The following CSMD1 variants were observed in gnomAD, a reference collection of about 807,000 sequenced individuals.
CSMD1 encodes the protein CUB and Sushi multiple domains 1.
CSMD1 carries 213 observed loss-of-function variants against 417.5 expected under a neutral mutation model. That is an observed-to-expected ratio of 0.51 (90% CI 0.46 to 0.57). The LOEUF (loss-of-function observed/expected upper bound fraction) is 0.57, where lower values mean the gene tolerates loss of function less well. CSMD1 is among the 20% of genes least tolerant of loss of function. The probability of loss-of-function intolerance (pLI) is 0.00; values close to 1 mark genes in which losing one functional copy is unlikely to be tolerated. For synonymous variants in CSMD1, 2,862 were observed against 1,736.8 expected, an observed-to-expected ratio of 1.65 and a Z score of -16.11; for missense variants, 6,923 against 4,529.7, an observed-to-expected ratio of 1.53 and a Z score of -15.17.
At chr8:4,331,050 T>G (rs2128890543) in intron 3 of CSMD1, among the ~76,000 whole-genome samples, 1 of 152,334 alleles carries the variant, frequency 6.6e-6, no homozygotes, top group Admixed American at 6.5e-5. Flanking sequence ...ATTCAATAAC[T>G]ATTTCTTCAT....
At chr8:4,045,941 T>C (rs969156587) in intron 3 of CSMD1, among the ~76,000 whole-genome samples, 3 of 152,122 alleles carry the variant, frequency 2.0e-5, no homozygotes, top group Non-Finnish European at 2.9e-5. Context: ...AAAATACATC[T>C]AAGTCATTCA....
intron 7 of CSMD1, among the ~76,000 whole-genome samples, chr8:3,650,339 G>A (rs1200595541): frequency 6.6e-6 from 1 of 152,006 alleles, no homozygotes; most frequent in Admixed American, 6.6e-5. Flanking sequence ...AGTTGAGTTA[G>A]GAAGATGAGT....
intron 1 of CSMD1, among the ~76,000 whole-genome samples, chr8:4,644,517 C>T (rs1230063871): frequency 6.6e-6 from 1 of 152,116 alleles, no homozygotes; most frequent in African/African-American, 2.4e-5. Context: ...AGTGATCCTC[C>T]CGCCTCAACC....
At chr8:4,875,186 C>T (rs1180467231) in intron 1 of CSMD1, among the ~76,000 whole-genome samples, 1 of 151,948 alleles carries the variant, frequency 6.6e-6, no homozygotes, top group African/African-American at 2.4e-5. Context: ...GTGTCTCTTT[C>T]TCTGTACAGT....
chr8:4,979,048 C>G (rs999821513), intron 1 of CSMD1, among the ~76,000 whole-genome samples: 3 of 152,154 alleles, frequency 2.0e-5, no homozygotes, highest in African/African-American at 7.2e-5. Flanking sequence ...TCTCATCGTT[C>G]TTTTCATAGT....
chr8:4,730,380 T>G (rs541623209), intron 1 of CSMD1, among the ~76,000 whole-genome samples: 1 of 152,122 alleles, frequency 6.6e-6, no homozygotes, highest in Non-Finnish European at 1.5e-5. Flanking sequence ...TCAAACTAAA[T>G]TTGTAAATAT....
intron 1 of CSMD1, among the ~76,000 whole-genome samples, chr8:4,927,144 T>G (rs192426303): frequency 2.7e-3 from 401 of 151,078 alleles, no homozygotes; most frequent in African/African-American, 8.9e-3. Flanking sequence ...CTCACTCTGT[T>G]GCACCAGGCT....
intron 50 of CSMD1, among the ~76,000 whole-genome samples, chr8:3,048,140 C>T (rs1200983733): frequency 6.6e-6 from 1 of 152,078 alleles, no homozygotes; most frequent in Non-Finnish European, 1.5e-5. Context: ...TTCTATTTAG[C>T]TTTAAATGTA....
At chr8:4,551,740 A>T (rs1797879198) in intron 2 of CSMD1, among the ~76,000 whole-genome samples, 1 of 152,130 alleles carries the variant, frequency 6.6e-6, no homozygotes, top group South Asian at 2.1e-4. Flanking sequence ...GCTGGAGTCC[A>T]GTGGTACAAT....
At chr8:4,147,370 G>C (rs888699615) in intron 3 of CSMD1, among the ~76,000 whole-genome samples, 1 of 151,946 alleles carries the variant, frequency 6.6e-6, no homozygotes, top group Non-Finnish European at 1.5e-5. Flanking sequence ...GTCCTCAGTG[G>C]CTGTGCTCTC....
At chr8:2,946,805 G>T (rs566296172) in intron 68 of CSMD1, among the ~76,000 whole-genome samples, 1 of 152,192 alleles carries the variant, frequency 6.6e-6, no homozygotes, top group Non-Finnish European at 1.5e-5. Flanking sequence ...AACTACCAGA[G>T]TGTTTTCCAG....
At chr8:4,844,891 A>G (rs763105027) in intron 1 of CSMD1, among the ~76,000 whole-genome samples, 6 of 152,174 alleles carry the variant, frequency 3.9e-5, no homozygotes, top group Non-Finnish European at 8.8e-5. Flanking sequence ...GTACCCCCAC[A>G]GTATACAAGA....
At chr8:4,397,032 A>G (rs1484833344) in intron 3 of CSMD1, among the ~76,000 whole-genome samples, 1 of 145,976 alleles carries the variant, frequency 6.9e-6, no homozygotes, top group African/African-American at 2.5e-5. Context: ...AATGAAATTA[A>G]AAAAAAAATA....
intron 12 of CSMD1, among the ~76,000 whole-genome samples, chr8:3,457,765 G>C (rs1042582053): frequency 6.6e-6 from 1 of 152,162 alleles, no homozygotes; most frequent in Non-Finnish European, 1.5e-5. Context: ...AAAATTGAAA[G>C]CAACAAATTC....
At chr8:4,145,307 G>A (rs1375427137) in intron 3 of CSMD1, among the ~76,000 whole-genome samples, 1 of 150,846 alleles carries the variant, frequency 6.6e-6, no homozygotes, top group Non-Finnish European at 1.5e-5. Flanking sequence ...AGAACTTTAT[G>A]GTACTCACCA....
chr8:4,054,741 A>T (rs1563062684), intron 3 of CSMD1, among the ~76,000 whole-genome samples: 2 of 152,118 alleles, frequency 1.3e-5, no homozygotes, highest in African/African-American at 4.8e-5. Context: ...ACATTTTGTG[A>T]TGTGTCATTC....
In CSMD1 at chr8:4,819,401, A is replaced by G. The variant is rs181867569; in HGVS notation, c.85+174931T>C. ...TCTCAAATTTGTTTCATTTTATGTC[A>G]TTCTGCAAGCTTCATAGAGCAAATA... On this transcript the variant is annotated intron_variant, in intron 1 of 69. Transcript: ENST00000635120. Among the ~76,000 whole-genome samples, 271 of 152,234 alleles carry G rather than the reference A, an allele frequency of 1.8e-3. 1 individual carries two copies. The highest frequency in any genetic ancestry group is 6.3e-3 in the African/African-American group (262 of 41,564).
chr8:3,861,269 C>T (rs113955238), intron 5 of CSMD1, among the ~76,000 whole-genome samples: 1 of 152,282 alleles, frequency 6.6e-6, no homozygotes, highest in African/African-American at 2.4e-5. Context: ...TGTACCTGCA[C>T]TTGAGAAGAT....
At chr8:3,941,028 G>T (rs1810847508) in intron 5 of CSMD1, among the ~76,000 whole-genome samples, 2 of 151,748 alleles carry the variant, frequency 1.3e-5, no homozygotes, top group East Asian at 3.9e-4. Context: ...CATGCTACAT[G>T]TGATAATTCA....
Sources: gnomAD v4.1 joint callset for allele counts (sites outside exome capture counted in the v4.1 genomes callset) on GRCh38, gnomAD v4.1.1 for gene constraint, MANE v1.5 for transcripts, NCBI Gene and HGNC (gene_info 2026-07-23, HGNC 2026-07-21) for gene names.